AGBL1: variants seen among roughly 807,000 people sequenced by gnomAD.
AGBL1 encodes the protein AGBL carboxypeptidase 1, also known as cytosolic carboxypeptidase 4.
In AGBL1, 130 loss-of-function variants were observed where a neutral mutation model predicts 118.9. The observed-to-expected ratio is 1.09, with a 90% CI of 0.95 to 1.26. The LOEUF is 1.26. AGBL1 is among the 50% of genes most tolerant of loss of function. AGBL1 has a pLI of 0.00. For synonymous variants in AGBL1, 555 were observed against 478.9 expected (o/e 1.16, Z -2.08); for missense variants, 1,584 against 1,298.1 (o/e 1.22, Z -3.38).
intron 21 of AGBL1, among the ~76,000 whole-genome samples, chr15:86,591,362 A>C (rs1370056721): frequency 3.3e-5 from 5 of 152,160 alleles, no homozygotes; most frequent in African/African-American, 1.2e-4. Flanking sequence ...ATCTACCTAC[A>C]GATAGTGCCA....
chr15:86,295,439 A>C lies in AGBL1; in HGVS notation c.2374+31A>C, dbSNP rs1205672883. The C allele has an allele frequency of 2.0e-6, 3 of 1,530,532 alleles. No homozygotes were observed. The East Asian group carries it at 6.8e-5, about 35-fold the overall frequency. 94.8% of individuals were successfully genotyped at this position (1,530,532 alleles called of 1,614,324 possible). ...TAAAATGGGATCCTCTTCGTAGAAG[A>C]TTTGACTAAGGGTGTCCTTTATAGT... On this transcript the variant is annotated intron_variant, in intron 17 of 22. Transcript: ENST00000614907.
At position 86,688,113 on chromosome 15, in the gene AGBL1, G is replaced by T. The variant is rs76018326; in HGVS notation, c.3158+13677G>T. Among the ~76,000 whole-genome samples the T allele has an allele frequency of 2.6e-5, 4 of 152,238 alleles. No individual in the cohort carries two copies. The East Asian group carries it at 7.7e-4, about 29-fold the overall frequency. ...ACTAATGCCAGGAGAAACAACAAGC[G>T]CATGTCGTTGTTTCATGTATGAATG... On this transcript the variant is annotated intron_variant, in intron 22 of 22. Coordinates refer to ENST00000614907, the MANE Select transcript of AGBL1 (RefSeq NM_001386094.1).
At chr15:86,992,638 A>T (rs2081345676) in intron 24 of AGBL1, among the ~76,000 whole-genome samples, 1 of 151,882 alleles carries the variant, frequency 6.6e-6, no homozygotes, top group South Asian at 2.1e-4. Flanking sequence ...AAATGGACAG[A>T]TGGCCATGGG....
At chr15:86,156,742 G>GAACTACT (rs2077196526) in intron 4 of AGBL1, among the ~76,000 whole-genome samples, 1 of 150,792 alleles carries the variant, frequency 6.6e-6, no homozygotes, top group African/African-American at 2.4e-5. Context: ...ATTACCCCAA[G>GAACTACT]AACTACTAAA....
chr15:86,140,356 C>T (rs1183200317), intron 1 of AGBL1: 2 of 151,462 alleles, frequency 1.3e-5, no homozygotes, highest in African/African-American at 2.4e-5. Flanking sequence ...AGGCTTAAGG[C>T]TGGGACTGAA....
At chr15:87,027,917 G>T (rs1184248870) in intron 24 of AGBL1, among the ~76,000 whole-genome samples, 1 of 151,738 alleles carries the variant, frequency 6.6e-6, no homozygotes, top group Non-Finnish European at 1.5e-5. Flanking sequence ...GCCCCAGGAA[G>T]AATAACTAAT....
At chr15:86,474,616 G>A (rs914418005) in intron 18 of AGBL1, among the ~76,000 whole-genome samples, 3 of 152,226 alleles carry the variant, frequency 2.0e-5, no homozygotes, top group Non-Finnish European at 4.4e-5. Context: ...GCTCAAGGAG[G>A]CCTGCCTGCG....
chr15:86,460,034 A>C (rs2082311632), intron 18 of AGBL1, among the ~76,000 whole-genome samples: 1 of 152,054 alleles, frequency 6.6e-6, no homozygotes, highest in South Asian at 2.1e-4. Context: ...TAGCTTGTAA[A>C]TTGGGCCATT....
chr15:86,485,507 T>C (rs1202090872), intron 18 of AGBL1, among the ~76,000 whole-genome samples: 2 of 152,126 alleles, frequency 1.3e-5, no homozygotes, highest in African/African-American at 4.8e-5. Context: ...TCTGCTGTTA[T>C]AGTACAGAAG....
intron 21 of AGBL1, among the ~76,000 whole-genome samples, chr15:86,558,182 C>A (rs986613822): frequency 6.6e-6 from 1 of 152,124 alleles, no homozygotes; most frequent in Non-Finnish European, 1.5e-5. Context: ...CATCCATATA[C>A]GTAGTAGATG....
intron 17 of AGBL1, among the ~76,000 whole-genome samples, chr15:86,359,947 G>C (rs996017707): frequency 6.6e-6 from 1 of 151,852 alleles, no homozygotes; most frequent in Admixed American, 6.6e-5. Context: ...TTTGCTGAAT[G>C]TTTAGGGTTT....
At chr15:86,269,045 T>C (rs6496317) in intron 13 of AGBL1, among the ~76,000 whole-genome samples, 100,888 of 152,078 alleles carry the variant, frequency 0.66, 34,182 homozygotes, top group African/African-American at 0.73. Flanking sequence ...AAAATAATAA[T>C]CTTTGGAGAT....
intron 18 of AGBL1, among the ~76,000 whole-genome samples, chr15:86,451,902 G>C (rs1029848112): frequency 1.3e-5 from 2 of 151,992 alleles, no homozygotes; most frequent in African/African-American, 4.8e-5. Context: ...ACTGGATAAA[G>C]TTTGAACTCT....
Position 86,143,696 on chromosome 15 carries a change from C to T in AGBL1, c.116-3C>T. On this transcript the variant is annotated splice_region_variant and splice_polypyrimidine_tract_variant and intron_variant, in intron 2 of 22. Coordinates refer to ENST00000614907, the MANE Select transcript of AGBL1 (RefSeq NM_001386094.1). ...GCTCATCTTTCCTCCGGTTTCCCCT[C>T]AGGCACAGACCGGAGAATTCACTAC... 1 of 1,613,256 alleles carries T rather than the reference C, an allele frequency of 6.2e-7. No individual in the cohort carries two copies. The highest frequency in any genetic ancestry group is 8.5e-7 in the Non-Finnish European group (1 of 1,179,438).
intron 18 of AGBL1, among the ~76,000 whole-genome samples, chr15:86,500,078 G>C (rs1388801238): frequency 6.6e-6 from 1 of 151,876 alleles, no homozygotes; most frequent in Non-Finnish European, 1.5e-5. Flanking sequence ...TGGTCCTGCT[G>C]ATTTGCCAGA....
intron 24 of AGBL1, among the ~76,000 whole-genome samples, chr15:87,020,058 C>A (rs942992580): frequency 4.0e-5 from 5 of 126,362 alleles, no homozygotes; most frequent in African/African-American, 1.3e-4. Context: ...AAGACTGAAC[C>A]AGGAAAAAAA....
At chr15:86,638,082 A>C (rs904200153) in intron 21 of AGBL1, among the ~76,000 whole-genome samples, 2 of 152,128 alleles carry the variant, frequency 1.3e-5, no homozygotes, top group African/African-American at 4.8e-5. Flanking sequence ...ACTACTTCTC[A>C]TCTTCTTTCA....
At chr15:86,456,557 A>G (rs1420136747) in intron 18 of AGBL1, among the ~76,000 whole-genome samples, 1 of 152,202 alleles carries the variant, frequency 6.6e-6, no homozygotes, top group East Asian at 1.9e-4. Flanking sequence ...TCAAAGGGCT[A>G]GAGAGGTTTA....
chr15:86,742,472 C>G (rs1161852937), intron 22 of AGBL1, among the ~76,000 whole-genome samples: 1 of 152,126 alleles, frequency 6.6e-6, no homozygotes, highest in Non-Finnish European at 1.5e-5. Context: ...ATGAGGCTTT[C>G]TTTAGCTTGT....
Sources: allele counts gnomAD v4.1 joint callset (sites outside exome capture counted in the v4.1 genomes callset), GRCh38; gene constraint gnomAD v4.1.1; transcripts MANE v1.5; gene names NCBI Gene and HGNC (gene_info 2026-07-23, HGNC 2026-07-21).